Variants in ELAVL4 observed in about 807,000 individuals in gnomAD.
The protein encoded by ELAVL4 is ELAV-like protein 4.
A neutral mutation model predicts 35.6 loss-of-function variants in ELAVL4; 1 was observed. The ratio of observed to expected loss-of-function variants is 0.03; its 90% CI spans 0.01 to 0.13. ELAVL4 has a LOEUF of 0.13. Among genes scored for constraint, ELAVL4 ranks in the 10% least tolerant of loss-of-function variants. The pLI, the probability that ELAVL4 is intolerant of heterozygous loss-of-function variation, is 1.00. For synonymous variants in ELAVL4, 156 were observed against 171.0 expected (o/e 0.91, Z 0.69); for missense variants, 267 against 464.9 (o/e 0.57, Z 3.91).
rs1288566090 is a variant in ELAVL4 at position 50,119,076 on chromosome 1, G to GA, written c.9+9881dup. Among the ~76,000 whole-genome samples, 9 of 136,802 alleles carry GA rather than the reference G, an allele frequency of 6.6e-5. No individual in the cohort carries two copies. The East Asian group carries it at 2.2e-3, about 33-fold the overall frequency. 89.7% of individuals were successfully genotyped at this position (136,802 alleles called of 152,430 possible). On this transcript the variant is annotated intron_variant, in intron 1 of 6. Transcript: ENST00000371824. The stretch of plus-strand genomic sequence containing the variant: ...AGAAAGAAAGAAAGAAAGAAAGAAA[G>GA]AAAGAAAGAAAGAAAGAAAAAGAAA...
chr1:50,146,620 C>T (rs377754886), intron 2 of ELAVL4, among the ~76,000 whole-genome samples: 3 of 152,100 alleles, frequency 2.0e-5, no homozygotes, highest in African/African-American at 4.8e-5. Flanking sequence ...TATCTTGTAC[C>T]AGAGCACTGG....
chr1:50,105,043 T>C (rs1572183994), upstream of ELAVL4, among the ~76,000 whole-genome samples: 1 of 152,234 alleles, frequency 6.6e-6, no homozygotes, highest in Admixed American at 6.5e-5. Context: ...ACTATTCATA[T>C]AATTGTATTT....
intron 1 of ELAVL4, among the ~76,000 whole-genome samples, chr1:50,088,115 C>G (rs1353388365): frequency 4.6e-5 from 7 of 152,100 alleles, no homozygotes; most frequent in African/African-American, 1.7e-4. Flanking sequence ...AGAGCACTTG[C>G]TTTAATTGTA....
intron 6 of ELAVL4, among the ~76,000 whole-genome samples, chr1:50,198,744 T>C (rs1644215511): frequency 7.2e-5 from 11 of 152,176 alleles, no homozygotes; most frequent in Admixed American, 7.2e-4. Context: ...AAGACACAGC[T>C]GTAGTAGGCC....
chr1:50,096,103 C>A (rs1020927842), intron 1 of ELAVL4, among the ~76,000 whole-genome samples: 2 of 151,982 alleles, frequency 1.3e-5, no homozygotes, highest in Non-Finnish European at 2.9e-5. Context: ...TCTCAGCCTG[C>A]CATATGAATA....
chr1:50,048,247 C>G, intron 1 of ELAVL4: 3 of 1,437,280 alleles, frequency 2.1e-6, no homozygotes, highest in South Asian at 2.8e-5. Context: ...CGGACACCCG[C>G]TGGGCCACGT....
intron 2 of ELAVL4, among the ~76,000 whole-genome samples, chr1:50,172,596 G>A (rs551249661): frequency 1.1e-4 from 16 of 152,252 alleles, no homozygotes; most frequent in Non-Finnish European, 1.9e-4. Flanking sequence ...GTCTATGGCT[G>A]CTACACAATG....
At chr1:50,109,716 A>G (rs552743143) in intron 1 of ELAVL4, 1 of 568,550 alleles carries the variant, frequency 1.8e-6, no homozygotes, top group East Asian at 3.0e-5. Flanking sequence ...AAAGAGAGTG[A>G]TTTATTTGGG....
Position 50,183,703 on chromosome 1 carries a change from G to T in ELAVL4, c.354+6511G>T, listed in dbSNP as rs572731120. Reference sequence around the variant, plus strand: ...TTGCCAGGGGTCGTCAGGGAGCTGCGCCTCCCCCTCTCCTCCCTGCATCCA... The same window carrying T: ...TTGCCAGGGGTCGTCAGGGAGCTGCTCCTCCCCCTCTCCTCCCTGCATCCA... On this transcript the variant is annotated intron_variant, in intron 3 of 6. Transcript: ENST00000371824. 1.8e-3 allele frequency among the ~76,000 whole-genome samples: 271 copies of T among 152,186 alleles called. 1 individual carries two copies. Among genetic ancestry groups the T allele is most frequent in the Non-Finnish European group, 3.1e-3 (210 of 67,998 alleles).
intron 3 of ELAVL4, chr1:50,181,083 C>T (rs1680948011): frequency 6.6e-6 from 1 of 152,304 alleles, no homozygotes; most frequent in African/African-American, 2.4e-5. Context: ...CTTAGAGACA[C>T]ACCCAGGATG....
chr1:50,108,671 GA>G (rs2148526016), upstream of ELAVL4, among the ~76,000 whole-genome samples: 1 of 152,198 alleles, frequency 6.6e-6, no homozygotes, highest in African/African-American at 2.4e-5. Flanking sequence ...TGGGAGGAGG[GA>G]AAAGGTAAAA....
At chr1:50,076,356 G>A (rs1378136565) in intron 1 of ELAVL4, among the ~76,000 whole-genome samples, 8 of 152,110 alleles carry the variant, frequency 5.3e-5, no homozygotes, top group Non-Finnish European at 1.2e-4. Flanking sequence ...AAGAGATCAC[G>A]CTTACATAAC....
intron 1 of ELAVL4, among the ~76,000 whole-genome samples, chr1:50,116,409 TGTGC>T (rs35130359): frequency 0.27 from 39,199 of 142,942 alleles, 5,327 homozygotes; most frequent in East Asian, 0.4. Context: ...TGTGTGTGTG[TGTGC>T]GTGTGTGTGT....
intron 2 of ELAVL4, among the ~76,000 whole-genome samples, chr1:50,174,964 A>G (rs1679732814): frequency 6.6e-6 from 1 of 152,022 alleles, no homozygotes; most frequent in African/African-American, 2.4e-5. Flanking sequence ...TTTTGTTTAT[A>G]TTTTTCATAA....
chr1:50,131,769 A>T (rs1008895394), intron 1 of ELAVL4, among the ~76,000 whole-genome samples: 1 of 151,992 alleles, frequency 6.6e-6, no homozygotes, highest in Admixed American at 6.6e-5. Context: ...CAGCCTGGGG[A>T]CAGAGCAAGA....
At chr1:50,121,690 A>T (rs925562645) in intron 1 of ELAVL4, among the ~76,000 whole-genome samples, 1 of 152,112 alleles carries the variant, frequency 6.6e-6, no homozygotes, top group South Asian at 2.1e-4. Context: ...GAACTATGCA[A>T]TGCAAGATCT....
chr1:50,149,091 A>T (rs1674269707), intron 2 of ELAVL4, among the ~76,000 whole-genome samples: 2 of 152,126 alleles, frequency 1.3e-5, no homozygotes, highest in South Asian at 4.1e-4. Context: ...AAGAAAAAAA[A>T]AGAAAAATCT....
chr1:50,102,704 T>C (rs1325373934), upstream of ELAVL4, among the ~76,000 whole-genome samples: 1 of 152,188 alleles, frequency 6.6e-6, no homozygotes, highest in African/African-American at 2.4e-5. Flanking sequence ...CAGGGTTGTT[T>C]GTTTGTTTCT....
chr1:50,090,475 AC>A (rs2148504549), intron 1 of ELAVL4, among the ~76,000 whole-genome samples: 1 of 152,302 alleles, frequency 6.6e-6, no homozygotes, highest in South Asian at 2.1e-4. Flanking sequence ...AAAAAATTGA[AC>A]AGTATATATT....
Sources: allele counts gnomAD v4.1 joint callset (sites outside exome capture counted in the v4.1 genomes callset), GRCh38; gene constraint gnomAD v4.1.1; transcripts MANE v1.5; gene names NCBI Gene and HGNC (gene_info 2026-07-23, HGNC 2026-07-21).